Variants in DCDC1 observed in about 807,000 individuals in gnomAD.
DCDC1 encodes the protein doublecortin domain containing 1.
In DCDC1, 200 loss-of-function variants were observed where a neutral mutation model predicts 178.3. The observed-to-expected ratio is 1.12, with a 90% CI of 1.00 to 1.26. The LOEUF (loss-of-function observed/expected upper bound fraction) is 1.26. DCDC1 is among the 50% of genes most tolerant of loss of function. DCDC1 has a pLI of 0.00. For missense variants in DCDC1, 1,983 were observed against 1,749.2 expected, an observed-to-expected ratio of 1.13 and a Z score of -2.38; for synonymous variants, 690 against 604.8, an observed-to-expected ratio of 1.14 and a Z score of -2.07.
In DCDC1 at chr11:30,888,157, AGAAAGG is replaced by A. The variant is rs1362830297; in HGVS notation, c.5082+4655_5082+4660del. Among the ~76,000 whole-genome samples the A allele has an allele frequency of 4.6e-4, 65 of 142,224 alleles. 1 individual carries two copies. The highest frequency in any genetic ancestry group is 1.7e-3 in the African/African-American group (56 of 33,088). The allele number at this position is 142,224 out of a possible 152,430, so 93.3% of individuals were successfully genotyped here. A position where few individuals can be genotyped will look rare whatever the true frequency, so the allele number is the denominator to read the frequency against. ...AAGAAAGAAAGAAAGAAAGAAAGAA[AGAAAGG>A]GAAAGAAAGAAAGAGAAAGGAAGGA... On this transcript the variant is annotated intron_variant, in intron 36 of 38. Transcript: ENST00000684477.
intron 3 of DCDC1, chr11:31,314,530 G>A (rs1481065691): frequency 3.9e-5 from 6 of 152,226 alleles, no homozygotes; most frequent in East Asian, 1.9e-4. Context: ...AAATCAAGGT[G>A]TCAGCTGGGG....
chr11:31,067,402 T>G (rs1956306921), intron 18 of DCDC1, among the ~76,000 whole-genome samples: 1 of 152,078 alleles, frequency 6.6e-6, no homozygotes, highest in South Asian at 2.1e-4. Flanking sequence ...TTTTACCCAC[T>G]AGGATGACAA....
intron 7 of DCDC1, among the ~76,000 whole-genome samples, chr11:31,283,790 C>A (rs1452249552): frequency 6.6e-6 from 1 of 152,110 alleles, no homozygotes; most frequent in Non-Finnish European, 1.5e-5. Flanking sequence ...ACTTAATAGT[C>A]AGCCAAAGAC....
intron 14 of DCDC1, among the ~76,000 whole-genome samples, chr11:31,102,918 T>C (rs1958600920): frequency 6.6e-6 from 1 of 152,214 alleles, no homozygotes; most frequent in African/African-American, 2.4e-5. Context: ...ATCCTGGCTC[T>C]ACCATGTACC....
intron 1 of DCDC1, among the ~76,000 whole-genome samples, chr11:31,336,782 G>A (rs976052100): frequency 6.6e-6 from 1 of 152,152 alleles, no homozygotes; most frequent in Non-Finnish European, 1.5e-5. Context: ...AGCTGGGCAG[G>A]ACCATATGAA....
chr11:31,346,060 G>C (rs529395399), intron 1 of DCDC1, among the ~76,000 whole-genome samples: 1 of 152,270 alleles, frequency 6.6e-6, no homozygotes, highest in South Asian at 2.1e-4. Context: ...ATAAACACAG[G>C]AATACCTATG....
At chr11:31,012,081 C>T (rs1432997370) in intron 20 of DCDC1, among the ~76,000 whole-genome samples, 1 of 152,140 alleles carries the variant, frequency 6.6e-6, no homozygotes, top group African/African-American at 2.4e-5. Flanking sequence ...CCTGCTCCAG[C>T]CGTGTAAGAC....
In DCDC1 at chr11:30,899,569, G is replaced by A; in HGVS notation, c.4737C>T (p.Thr1579=). ...KKDRILADLD[T]MRHKMRQLKG... ...TTAACTGTCTCATTTTGTGTCTCAT[G>A]GTATCTAGATCAGCCAAAATTCTGT... Residue 1579 remains threonine (T), a synonymous_variant, in exon 34 of 39, where the codon ACC becomes ACT. Transcript: ENST00000684477. 6.3e-7 allele frequency: 1 copy of A among 1,581,630 alleles called. No individual in the cohort carries two copies. Among genetic ancestry groups the A allele is most frequent in the Non-Finnish European group, 8.6e-7 (1 of 1,163,954 alleles).
chr11:30,913,772 A>T (rs978627650), intron 27 of DCDC1, among the ~76,000 whole-genome samples: 1 of 152,232 alleles, frequency 6.6e-6, no homozygotes, highest in Non-Finnish European at 1.5e-5. Context: ...GACACTGAGC[A>T]AGATTCAGAA....
intron 11 of DCDC1, among the ~76,000 whole-genome samples, chr11:31,111,126 A>C (rs1959167495): frequency 6.6e-6 from 1 of 152,146 alleles, no homozygotes. Context: ...GAAAGGAAGC[A>C]GCTGAGAGAG....
intron 8 of DCDC1, among the ~76,000 whole-genome samples, chr11:31,253,938 T>A (rs1001357527): frequency 6.6e-6 from 1 of 152,196 alleles, no homozygotes; most frequent in African/African-American, 2.4e-5. Flanking sequence ...GGGCCAGACA[T>A]CCTCACACTG....
chr11:31,314,109 T>C (rs1565597572), intron 3 of DCDC1, among the ~76,000 whole-genome samples: 2 of 152,336 alleles, frequency 1.3e-5, no homozygotes, highest in East Asian at 3.9e-4. Context: ...CCTGGATGAT[T>C]TGATAGCCAG....
intron 1 of DCDC1, among the ~76,000 whole-genome samples, chr11:31,339,176 A>G (rs1235735479): frequency 6.6e-6 from 1 of 152,070 alleles, no homozygotes; most frequent in East Asian, 1.9e-4. Flanking sequence ...GAATTTTCCT[A>G]TGTGCTATGG....
chr11:31,090,089 C>G (rs539379771), intron 17 of DCDC1, among the ~76,000 whole-genome samples: 1 of 152,286 alleles, frequency 6.6e-6, no homozygotes, highest in East Asian at 1.9e-4. Context: ...ATTACCCAGT[C>G]TGCGTACAGT....
intron 17 of DCDC1, among the ~76,000 whole-genome samples, chr11:31,089,675 T>C (rs1957690333): frequency 6.6e-6 from 1 of 151,944 alleles, no homozygotes; most frequent in African/African-American, 2.4e-5. Flanking sequence ...TTTTGTTATC[T>C]TCTCAAGTTC....
At chr11:30,927,664 A>C (rs1293971125) in intron 22 of DCDC1, among the ~76,000 whole-genome samples, 1 of 152,206 alleles carries the variant, frequency 6.6e-6, no homozygotes, top group East Asian at 1.9e-4. Flanking sequence ...GAAGGTACCA[A>C]CAACAACAAA....
intron 20 of DCDC1, among the ~76,000 whole-genome samples, chr11:31,063,640 A>G (rs554375027): frequency 6.6e-6 from 1 of 152,222 alleles, no homozygotes; most frequent in Non-Finnish European, 1.5e-5. Context: ...TCACTTTGGG[A>G]GAGCGAAGTG....
rs1180404025 is a variant in DCDC1 at position 31,094,126 on chromosome 11, C to T, written c.2042G>A (p.Gly681Asp). 3.9e-6 allele frequency: 3 copies of T among 766,070 alleles called. No individual in the cohort carries two copies. Among genetic ancestry groups the T allele is most frequent in the Non-Finnish European group, 7.2e-6 (3 of 417,820 alleles). The allele number at this position is 766,070 out of a possible 1,614,324, so 47.5% of individuals were successfully genotyped here. Residue 681 changes from glycine to aspartate, a missense_variant, in exon 16 of 39, where the codon GGC (glycine) becomes GAC (aspartate). Transcript: ENST00000684477. Reference sequence around the variant, plus strand: ...TTGACTCCTGCTGCTTGCTTCACTGCCTGAGAAACTCCACTTTCCAATGGA... The same window carrying T: ...TTGACTCCTGCTGCTTGCTTCACTGTCTGAGAAACTCCACTTTCCAATGGA... The part of the protein sequence containing the change: ...SVSIGKWSFS[G>D]SEASSRSQIA...
At chr11:30,964,861 C>T (rs1024660539) in intron 20 of DCDC1, among the ~76,000 whole-genome samples, 32 of 152,100 alleles carry the variant, frequency 2.1e-4, no homozygotes, top group African/African-American at 7.5e-4. Flanking sequence ...GAAGAATGTT[C>T]ATCCTTTCTT....
Sources: allele counts gnomAD v4.1 joint callset (sites outside exome capture counted in the v4.1 genomes callset), GRCh38; gene constraint gnomAD v4.1.1; transcripts MANE v1.5; gene names NCBI Gene and HGNC (gene_info 2026-07-23, HGNC 2026-07-21).